LHX3: variants seen among roughly 807,000 people sequenced by gnomAD.
The protein encoded by LHX3 is LIM/homeobox protein Lhx3.
Under a neutral mutation model 32.4 loss-of-function variants are expected in LHX3, and 21 were observed. That is an observed-to-expected ratio of 0.65 (90% CI 0.46 to 0.93). The LOEUF is 0.93. LHX3 is among the 40% of genes least tolerant of loss of function. The probability of loss-of-function intolerance (pLI) is 0.00; values close to 1 mark genes in which losing one functional copy is unlikely to be tolerated. For synonymous variants in LHX3, 258 were observed against 246.8 expected (o/e 1.05, Z -0.43); for missense variants, 626 against 560.0 (o/e 1.12, Z -1.19).
rs558270130 is a variant in LHX3 at position 136,197,219 on chromosome 9, C to G, written c.*106G>C. The G allele has an allele frequency of 8.0e-7, 1 of 1,247,078 alleles. No individual in the cohort carries two copies. Among genetic ancestry groups the G allele is most frequent in the South Asian group, 1.3e-5 (1 of 77,684 alleles). The allele number at this position is 1,247,078 out of a possible 1,614,324, so 77.3% of individuals were successfully genotyped here. On this transcript the variant is annotated 3_prime_UTR_variant, in exon 6 of 6. Transcript: ENST00000371748. Reference sequence around the variant, plus strand: ...GTGGGAGGCTCCGAAGGCACCAGCCCTCCCTTGACGCCCTGGCCCCACTTC... The same window carrying G: ...GTGGGAGGCTCCGAAGGCACCAGCCGTCCCTTGACGCCCTGGCCCCACTTC...
At position 136,199,980 on chromosome 9, in the gene LHX3, C is replaced by T. The variant is rs185278853; in HGVS notation, c.252-100G>A. On this transcript the variant is annotated intron_variant, in intron 2 of 5. Coordinates refer to ENST00000371748, the MANE Select transcript of LHX3 (RefSeq NM_178138.6). ...AAGCGGCTGCCTGGGAAGGCGGCCC[C>T]GGAGGAAGGCTCTGTCCGGCCCTGC... 153 of 1,261,940 alleles carry T rather than the reference C, an allele frequency of 1.2e-4. No homozygotes were observed. In the African/African-American group the frequency reaches 1.9e-3, roughly 16 times the overall value. 78.2% of individuals were successfully genotyped at this position (1,261,940 alleles called of 1,614,324 possible).
chr9:136,201,091 GA>G, intron 1 of LHX3: 1 of 1,397,350 alleles, frequency 7.2e-7, no homozygotes, highest in Non-Finnish European at 9.3e-7. Context: ...GAGCTCAAAT[GA>G]AAACCCCACC....
At position 136,199,069 on chromosome 9, in the gene LHX3, G is replaced by A; in HGVS notation, c.455-10C>T. 7 of 1,498,346 alleles carry A rather than the reference G, an allele frequency of 4.7e-6. No homozygotes were observed. Among genetic ancestry groups the A allele is most frequent in the South Asian group, 2.5e-5 (2 of 79,844 alleles). 92.8% of individuals were successfully genotyped at this position (1,498,346 alleles called of 1,614,324 possible). The stretch of plus-strand genomic sequence containing the variant: ...GCCGTGGCCTCGGCCTCTGCGCGGC[G>A]GGCGAGCGGTGAGGCGCGGCAGCCC... On this transcript the variant is annotated splice_polypyrimidine_tract_variant and intron_variant, in intron 3 of 5. Transcript: ENST00000371748.
intron 1 of LHX3, among the ~76,000 whole-genome samples, chr9:136,201,885 G>A (rs931143867): frequency 1.3e-5 from 2 of 152,144 alleles, no homozygotes; most frequent in African/African-American, 4.8e-5. Context: ...GGAGCGGGGC[G>A]GCCCGACAGG....
At chr9:136,198,119 A>C (rs1202078302) in intron 5 of LHX3, among the ~76,000 whole-genome samples, 1 of 152,172 alleles carries the variant, frequency 6.6e-6, no homozygotes, top group Non-Finnish European at 1.5e-5. Context: ...GAGGCAGCCC[A>C]AAAGAGAGTG....
At chr9:136,199,510 G>A (rs536499059) in intron 3 of LHX3, among the ~76,000 whole-genome samples, 168 bp downstream of exon 3, 1 of 152,278 alleles carries the variant, frequency 6.6e-6, no homozygotes, top group African/African-American at 2.4e-5. Flanking sequence ...GGGTCTGTCC[G>A]TGACTCCGCC....
chr9:136,198,690 T>C lies in LHX3; in HGVS notation c.737A>G (p.Gln246Arg), dbSNP rs886063704. The C allele has an allele frequency of 6.2e-7, 1 of 1,610,232 alleles. No homozygotes were observed. The highest frequency in any genetic ancestry group is 8.5e-7 in the Non-Finnish European group (1 of 1,179,452). Residue 246 changes from glutamine to arginine, a missense_variant, in exon 5 of 6, where the codon CAG (glutamine) becomes CGG (arginine). Transcript: ENST00000371748. ...CTCAGCGTCGCTGTCCTGCCCCTCC[T>C]GAACGCTGTCCTTGTCCGACTTGGA... ...GGSKSDKDSVQEGQDSDAEVS... is the reference protein window; with the variant it reads ...GGSKSDKDSVREGQDSDAEVS...
intron 3 of LHX3, among the ~76,000 whole-genome samples, 157 bp downstream of exon 3, chr9:136,199,521 G>A (rs891213645): frequency 2.0e-5 from 3 of 152,272 alleles, no homozygotes; most frequent in Admixed American, 6.5e-5. Context: ...TGACTCCGCC[G>A]TTCCCGGCCT....
chr9:136,205,117 C>A lies in LHX3; in HGVS notation c.-105G>T, dbSNP rs1056911229. ...CGCCGCGTCGTGCGGGGCAGGGAGCCCGGGAGCCACTGGGCCTGGCGCTGT... is the reference window on the plus strand; with the variant it reads ...CGCCGCGTCGTGCGGGGCAGGGAGCACGGGAGCCACTGGGCCTGGCGCTGT... On this transcript the variant is annotated 5_prime_UTR_variant, in exon 1 of 6. Transcript: ENST00000371748. 7.9e-5 allele frequency: 75 copies of A among 954,626 alleles called. No individual in the cohort carries two copies. Among genetic ancestry groups the A allele is most frequent in the Non-Finnish European group, 1.1e-4 (71 of 669,688 alleles). 59.1% of individuals were successfully genotyped at this position (954,626 alleles called of 1,614,324 possible). A position where few individuals can be genotyped will look rare whatever the true frequency, so the allele number is the denominator to read the frequency against.
intron 1 of LHX3, chr9:136,202,849 C>A: frequency 7.1e-7 from 1 of 1,405,662 alleles, no homozygotes; most frequent in South Asian, 1.2e-5. Context: ...CACTCCCGCC[C>A]AGATCCTCTA....
chr9:136,201,460 C>A, intron 1 of LHX3: 1 of 1,216,734 alleles, frequency 8.2e-7, no homozygotes, highest in Non-Finnish European at 1.0e-6. Flanking sequence ...ACTGCAGGCC[C>A]CCTGGAGGAA....
chr9:136,203,845 A>G (rs1040069508), intron 1 of LHX3, among the ~76,000 whole-genome samples: 2 of 152,128 alleles, frequency 1.3e-5, no homozygotes, highest in Admixed American at 6.5e-5. Flanking sequence ...CCCTTACCTG[A>G]TATTTCAGCC....
Position 136,203,375 on chromosome 9 carries a change from G to A in LHX3, c.79+1559C>T, listed in dbSNP as rs146327080. 8.3e-3 allele frequency among the ~76,000 whole-genome samples: 1,261 copies of A among 152,254 alleles called. 21 individuals are homozygous for A. The highest frequency in any genetic ancestry group is 0.029 in the African/African-American group (1,196 of 41,568). ...CCGGTAAGGGAGGGCCCAGGTCAGG[G>A]CTTCCCGCCAGCGTTCGTCCCGGCC... is the stretch of plus-strand genomic sequence containing the variant. On this transcript the variant is annotated intron_variant, in intron 1 of 5. Coordinates refer to ENST00000371748, the MANE Select transcript of LHX3 (RefSeq NM_178138.6).
rs139874071 is a variant in LHX3 at position 136,201,234 on chromosome 9, C to T, written c.80-481G>A. ...ATGGCCACTCTTTCTAGGGACTCCT[C>T]GCAAATGTGGCTGCCCTGCCTGGTG... On this transcript the variant is annotated intron_variant, in intron 1 of 5. Coordinates refer to ENST00000371748, the MANE Select transcript of LHX3 (RefSeq NM_178138.6). 5.1e-5 allele frequency: 65 copies of T among 1,284,614 alleles called. No homozygotes were observed. The East Asian group carries it at 1.5e-3, about 30-fold the overall frequency. 79.6% of individuals were successfully genotyped at this position (1,284,614 alleles called of 1,614,324 possible). A position where few individuals can be genotyped will look rare whatever the true frequency, so the allele number is the denominator to read the frequency against.
chr9:136,201,874 C>T (rs1268707162), intron 1 of LHX3, among the ~76,000 whole-genome samples: 1 of 152,158 alleles, frequency 6.6e-6, no homozygotes, highest in Admixed American at 6.5e-5. Flanking sequence ...GGACCCGGCT[C>T]GGAGCGGGGC....
intron 2 of LHX3, chr9:136,200,263 A>C: frequency 3.7e-6 from 2 of 541,306 alleles, no homozygotes; most frequent in South Asian, 2.0e-5. Context: ...TTTCGGAGGA[A>C]CTAAGTCCAG....
chr9:136,198,182 G>A (rs959929888), intron 5 of LHX3, among the ~76,000 whole-genome samples: 5 of 152,164 alleles, frequency 3.3e-5, no homozygotes, highest in African/African-American at 1.2e-4. Context: ...CAGCATCCCC[G>A]GTGCCCGGAG....
chr9:136,196,850 G>T lies in LHX3; in HGVS notation c.*475C>A. The stretch of plus-strand genomic sequence containing the variant: ...CCCCGCCTCTGCAGCCTCTTGCCTC[G>T]ACAGGCAAGGCCAATCTCCGACCTA... On this transcript the variant is annotated 3_prime_UTR_variant, in exon 6 of 6. Transcript: ENST00000371748. The T allele has an allele frequency of 5.7e-6, 1 of 176,208 alleles. No individual in the cohort carries two copies. 10.9% of individuals were successfully genotyped at this position (176,208 alleles called of 1,614,324 possible). A position where few individuals can be genotyped will look rare whatever the true frequency, so the allele number is the denominator to read the frequency against.
In LHX3 at chr9:136,199,966, T is replaced by A. The variant is rs1012709006; in HGVS notation, c.252-86A>T. The A allele has an allele frequency of 4.3e-6, 6 of 1,389,544 alleles. No individual in the cohort carries two copies. The African/African-American group carries it at 7.1e-5, about 17-fold the overall frequency. The allele number at this position is 1,389,544 out of a possible 1,614,324, so 86.1% of individuals were successfully genotyped here. ...GGTTGGAGAGAGGCAAGCGGCTGCC[T>A]GGGAAGGCGGCCCCGGAGGAAGGCT... On this transcript the variant is annotated intron_variant, in intron 2 of 5. Transcript: ENST00000371748.
Sources: allele counts gnomAD v4.1 joint callset (sites outside exome capture counted in the v4.1 genomes callset), GRCh38; gene constraint gnomAD v4.1.1; transcripts MANE v1.5; gene names NCBI Gene and HGNC (gene_info 2026-07-23, HGNC 2026-07-21).